The following LMBRD2 variants were observed in gnomAD, a reference collection of about 807,000 sequenced individuals.
LMBRD2 encodes the protein LMBR1 domain containing 2.
LMBRD2 carries 55 observed loss-of-function variants against 94.4 expected under a neutral mutation model. The observed-to-expected ratio is 0.58, with a 90% CI of 0.47 to 0.73. The LOEUF is 0.73. LMBRD2 is among the 30% of genes least tolerant of loss of function. LMBRD2 has a pLI of 0.00. For synonymous variants in LMBRD2, 246 were observed against 272.4 expected (o/e 0.90, Z 0.95); for missense variants, 640 against 831.9 (o/e 0.77, Z 2.84).
intron 1 of LMBRD2, among the ~76,000 whole-genome samples, chr5:36,143,719 T>C (rs1365740384): frequency 1.3e-5 from 2 of 152,146 alleles, no homozygotes; most frequent in Admixed American, 6.5e-5. Flanking sequence ...TACAGTGTCA[T>C]CTGGAGTTTG....
At chr5:36,119,786 TACTCTCC>T (rs1032007826) in intron 9 of LMBRD2, among the ~76,000 whole-genome samples, 1 of 152,120 alleles carries the variant, frequency 6.6e-6, no homozygotes, top group Non-Finnish European at 1.5e-5. Flanking sequence ...CTCCTATACT[TACTCTCC>T]ACATTTCATT....
At chr5:36,148,455 A>G (rs40031) in intron 1 of LMBRD2, among the ~76,000 whole-genome samples, 2,201 of 152,322 alleles carry the variant, frequency 0.014, 54 homozygotes, top group African/African-American at 0.051. Context: ...CTGAATTCTT[A>G]AAGATTTCAT....
intron 17 of LMBRD2, among the ~76,000 whole-genome samples, chr5:36,104,477 A>G (rs1007063369): frequency 1.3e-5 from 2 of 152,042 alleles, no homozygotes; most frequent in East Asian, 3.9e-4. Flanking sequence ...TTTCGTGCAC[A>G]TGATATTTTG....
chr5:36,143,241 C>G lies in LMBRD2; in HGVS notation c.109G>C (p.Gly37Arg). ...CAGAGATACCAAGCAAGCAGTGTTC[C>G]AATAATCACAAGTCTATGCTGTTTC... Reference protein sequence around the residue: ...FKKQHRLVIIGTLLAWYLCFL... With the variant: ...FKKQHRLVIIRTLLAWYLCFL... The change falls in exon 2 of 18, where the codon GGA becomes CGA. Residue 37 changes from glycine (G) to arginine (R), a missense_variant. Around this residue, in one of 2 missense-constraint regions of LMBRD2, gnomAD observed 457 missense variants for 642.8 expected, o/e 0.71. Coordinates refer to ENST00000296603, the MANE Select transcript of LMBRD2 (RefSeq NM_001007527.2). 6.2e-7 allele frequency: 1 copy of G among 1,612,644 alleles called. No homozygotes were observed. The highest frequency in any genetic ancestry group is 8.5e-7 in the Non-Finnish European group (1 of 1,178,900).
In LMBRD2 at chr5:36,116,516, ATAGT is replaced by A; in HGVS notation, c.1376_1379del (p.Asn459IlefsTer25). On this transcript the variant is annotated frameshift_variant, in exon 11 of 18. Coordinates refer to ENST00000296603, the MANE Select transcript of LMBRD2 (RefSeq NM_001007527.2). LOFTEE classifies it high-confidence loss of function. The stretch of plus-strand genomic sequence containing the variant: ...TCTGGTGATGTGAGGCCAAATAATA[ATAGT>A]TAAATACACGAATCCTGAACACAGT... 6.2e-7 allele frequency: 1 copy of A among 1,613,090 alleles called. No homozygotes were observed. Among genetic ancestry groups the A allele is most frequent in the Non-Finnish European group, 8.5e-7 (1 of 1,179,086 alleles).
chr5:36,107,714 C>A (rs77981357), intron 16 of LMBRD2, among the ~76,000 whole-genome samples: 3,020 of 152,306 alleles, frequency 0.02, 102 homozygotes, highest in African/African-American at 0.069. Context: ...GTAGTCCCTG[C>A]ATGGATATGG....
intron 6 of LMBRD2, among the ~76,000 whole-genome samples, chr5:36,133,055 T>A (rs1054501876): frequency 8.7e-5 from 13 of 149,914 alleles, no homozygotes. Context: ...GCTAGGTATA[T>A]AACCAAAACA....
chr5:36,148,570 T>C (rs996985035), intron 1 of LMBRD2, among the ~76,000 whole-genome samples: 7 of 152,248 alleles, frequency 4.6e-5, no homozygotes, highest in Admixed American at 1.3e-4. Context: ...ATGTGTTCAC[T>C]AAATTTTAAG....
chr5:36,137,413 C>A lies in LMBRD2; in HGVS notation c.397G>T (p.Ala133Ser). Residue 133 changes from alanine (A) to serine (S), a missense_variant, in exon 5 of 18, where the codon GCA (alanine) becomes TCA (serine). Around this residue, in one of 2 missense-constraint regions of LMBRD2, gnomAD observed 457 missense variants for 642.8 expected, o/e 0.71. Transcript: ENST00000296603. ...GTGATGGAAAACCCTCCTGATCTTG[C>A]ATATGACTGCATAAAAGGTAAGAGA... is the stretch of plus-strand genomic sequence containing the variant. ...WILLPFMQSY[A>S]RSGGFSITGK... 1 of 1,581,546 alleles carries A rather than the reference C, an allele frequency of 6.3e-7. No homozygotes were observed. Among genetic ancestry groups the A allele is most frequent in the Non-Finnish European group, 8.6e-7 (1 of 1,159,826 alleles).
intron 13 of LMBRD2, among the ~76,000 whole-genome samples, chr5:36,112,931 A>G (rs1743646788): frequency 6.6e-6 from 1 of 152,200 alleles, no homozygotes; most frequent in African/African-American, 2.4e-5. Context: ...TTCTTTTAAT[A>G]CATCATTTTC....
At position 36,123,276 on chromosome 5, in the gene LMBRD2, A is replaced by G. The variant is rs954035503; in HGVS notation, c.823-315T>C. Among the ~76,000 whole-genome samples the G allele has an allele frequency of 4.6e-5, 7 of 152,156 alleles. 1 individual carries two copies. Among genetic ancestry groups the G allele is most frequent in the Admixed American group, 2.6e-4 (4 of 15,274 alleles). ...TTGAGAAGATTATTCTAAGTAGGATAAATTATTTTTCTAGCTAAAGAATGA... is the reference window on the plus strand; with the variant it reads ...TTGAGAAGATTATTCTAAGTAGGATGAATTATTTTTCTAGCTAAAGAATGA... On this transcript the variant is annotated intron_variant, in intron 7 of 17. Coordinates refer to ENST00000296603, the MANE Select transcript of LMBRD2 (RefSeq NM_001007527.2).
At chr5:36,113,471 C>T (rs948161906) in intron 13 of LMBRD2, among the ~76,000 whole-genome samples, 4 of 151,984 alleles carry the variant, frequency 2.6e-5, no homozygotes, top group East Asian at 1.9e-4. Context: ...TTCTTGTCTG[C>T]GGCTCATCCT....
intron 4 of LMBRD2, among the ~76,000 whole-genome samples, chr5:36,139,043 C>A (rs566068159): frequency 6.6e-6 from 1 of 152,108 alleles, no homozygotes; most frequent in African/African-American, 2.4e-5. Context: ...TCCGAGTTGG[C>A]GGGGCAGGAG....
chr5:36,106,505 T>TCTC (rs1561510340), intron 16 of LMBRD2, among the ~76,000 whole-genome samples: 1 of 136,592 alleles, frequency 7.3e-6, no homozygotes, highest in Non-Finnish European at 1.7e-5. Flanking sequence ...CTTTTTTTTC[T>TCTC]TTCGTTTTTT....
chr5:36,140,891 G>C (rs1334401178), intron 4 of LMBRD2: 1 of 359,044 alleles, frequency 2.8e-6, no homozygotes, highest in African/African-American at 2.1e-5. Flanking sequence ...AATGTTCAGT[G>C]CCTCCAGTTT....
At chr5:36,136,573 C>T (rs267758) in intron 5 of LMBRD2, 54 bp from the exon 6 acceptor site, 702,577 of 1,478,864 alleles carry the variant, frequency 0.48, 169,263 homozygotes, top group African/African-American at 0.62. Context: ...AGATAAAATG[C>T]GACTGCATAA....
Position 36,117,955 on chromosome 5 carries a change from A to G in LMBRD2, c.1121-39T>C, listed in dbSNP as rs1384966793. On this transcript the variant is annotated intron_variant, in intron 9 of 17. Coordinates refer to ENST00000296603, the MANE Select transcript of LMBRD2 (RefSeq NM_001007527.2). ...GAAAAAAATGATTAGGAAAACTACAAAAGAGTAATGGGATATTTACATTGT... is the reference window on the plus strand; with the variant it reads ...GAAAAAAATGATTAGGAAAACTACAGAAGAGTAATGGGATATTTACATTGT... 4.9e-6 allele frequency: 7 copies of G among 1,434,836 alleles called. No homozygotes were observed. The South Asian group carries it at 5.2e-5, about 11-fold the overall frequency. 88.9% of individuals were successfully genotyped at this position (1,434,836 alleles called of 1,614,324 possible).
chr5:36,149,590 G>C (rs1744638848), intron 1 of LMBRD2, among the ~76,000 whole-genome samples: 1 of 152,196 alleles, frequency 6.6e-6, no homozygotes. Context: ...ACAAAGAAGG[G>C]TGGACCGTCT....
intron 6 of LMBRD2, 95 bp from the exon 7 acceptor site, chr5:36,124,360 G>T: frequency 1.5e-6 from 1 of 650,712 alleles, no homozygotes; most frequent in Non-Finnish European, 2.6e-6. Context: ...TTTCTCACAA[G>T]TTCAACTTCA....
Sources: allele counts gnomAD v4.1 joint callset (sites outside exome capture counted in the v4.1 genomes callset), GRCh38; gene constraint gnomAD v4.1.1; regional missense constraint gnomAD v4.1.1; transcripts MANE v1.5; gene names NCBI Gene and HGNC (gene_info 2026-07-23, HGNC 2026-07-21).